BRI3BP: variants seen among roughly 807,000 people sequenced by gnomAD.
The protein encoded by BRI3BP is BRI3-binding protein.
Under a neutral mutation model 15.8 loss-of-function variants are expected in BRI3BP, and 7 were observed. That is an observed-to-expected ratio of 0.44 (90% CI 0.25 to 0.83). The LOEUF is 0.83. Among genes scored for constraint, BRI3BP ranks in the 40% least tolerant of loss-of-function variants. The pLI, the probability that BRI3BP is intolerant of heterozygous loss-of-function variation, is 0.20. For missense variants in BRI3BP, 320 were observed against 339.3 expected, an observed-to-expected ratio of 0.94 and a Z score of 0.45; for synonymous variants, 192 against 163.5, an observed-to-expected ratio of 1.17 and a Z score of -1.33.
At chr12:124,998,875 G>A (rs1955060737) in intron 1 of BRI3BP, among the ~76,000 whole-genome samples, 1 of 152,064 alleles carries the variant, frequency 6.6e-6, no homozygotes, top group Admixed American at 6.6e-5. Flanking sequence ...CCAGGAGTTT[G>A]AGACCAGCCT....
intron 1 of BRI3BP, among the ~76,000 whole-genome samples, chr12:125,012,246 G>T (rs1161362920): frequency 1.3e-5 from 2 of 152,178 alleles, no homozygotes; most frequent in Non-Finnish European, 2.9e-5. Flanking sequence ...AAGACAGCAG[G>T]AGCAATGGCA....
chr12:125,042,729 G>A, the BRI3BP span, among the ~76,000 whole-genome samples: 1 of 151,978 alleles, frequency 6.6e-6, no homozygotes, highest in Non-Finnish European at 1.5e-5. Flanking sequence ...TAGAGATAGG[G>A]TTTCACCGTG....
downstream of BRI3BP, among the ~76,000 whole-genome samples, chr12:125,035,204 T>C (rs1226760281): frequency 1.3e-5 from 2 of 152,116 alleles, no homozygotes; most frequent in African/African-American, 4.8e-5. Context: ...GGTAAATACT[T>C]AGGACCAGAA....
At chr12:125,039,225 C>T in the BRI3BP span, among the ~76,000 whole-genome samples, 1 of 152,222 alleles carries the variant, frequency 6.6e-6, no homozygotes, top group African/African-American at 2.4e-5. Flanking sequence ...ATTCCAAATT[C>T]TGTTTTCTGC....
intron 1 of BRI3BP, among the ~76,000 whole-genome samples, chr12:124,997,748 G>A (rs541954687): frequency 1.3e-5 from 2 of 152,200 alleles, no homozygotes; most frequent in South Asian, 4.1e-4. Context: ...CAGCACTTAG[G>A]GAGGCCAAGG....
At chr12:125,018,952 G>A (rs1483567261) in intron 2 of BRI3BP, among the ~76,000 whole-genome samples, 5 of 151,992 alleles carry the variant, frequency 3.3e-5, no homozygotes, top group Non-Finnish European at 5.9e-5. Flanking sequence ...TCCGCCTCCC[G>A]GGTTCAAGCG....
intron 1 of BRI3BP, among the ~76,000 whole-genome samples, chr12:124,998,794 T>G (rs572482979): frequency 1.1e-4 from 16 of 152,216 alleles, no homozygotes; most frequent in Non-Finnish European, 2.1e-4. Context: ...TTAAAAAAAT[T>G]GGCCTGGTGC....
the BRI3BP span, among the ~76,000 whole-genome samples, chr12:125,045,490 C>T: frequency 6.6e-6 from 1 of 152,122 alleles, no homozygotes; most frequent in Non-Finnish European, 1.5e-5. Context: ...GGCATCATCA[C>T]GCCCGGCTAA....
At chr12:125,019,667 GCTGTGAGTAC>G in intron 2 of BRI3BP, among the ~76,000 whole-genome samples, 1 of 40,160 alleles carries the variant, frequency 2.5e-5, no homozygotes, top group Middle Eastern at 0.016. Flanking sequence ...TGCCTTTTTT[GCTGTGAGTAC>G]TTGAAAATTT....
chr12:125,002,402 G>C (rs1030485256), intron 1 of BRI3BP, among the ~76,000 whole-genome samples: 1 of 151,270 alleles, frequency 6.6e-6, no homozygotes, highest in Non-Finnish European at 1.5e-5. Flanking sequence ...CATCTTGGCA[G>C]ACGTGAAGTA....
chr12:125,000,016 C>CTTTTTTTTTTTTT (rs66571863), intron 1 of BRI3BP, among the ~76,000 whole-genome samples: 1 of 40,710 alleles, frequency 2.5e-5, no homozygotes, highest in Non-Finnish European at 4.3e-5. Context: ...TTTGGTTTTT[C>CTTTTTTTTTTTTT]TTTTTTTTTT....
At chr12:124,994,298 C>T (rs949146040) in intron 1 of BRI3BP, among the ~76,000 whole-genome samples, 6 of 152,042 alleles carry the variant, frequency 3.9e-5, no homozygotes, top group Admixed American at 3.9e-4. Context: ...TGACGCCTGC[C>T]GCGCGTCTCA....
At chr12:124,997,521 G>T (rs1357013001) in intron 1 of BRI3BP, among the ~76,000 whole-genome samples, 1 of 151,894 alleles carries the variant, frequency 6.6e-6, no homozygotes, top group Admixed American at 6.6e-5. Flanking sequence ...CCACCCAGTT[G>T]CTTTACTTAT....
At chr12:125,005,776 A>AGG (rs1955138037) in intron 1 of BRI3BP, among the ~76,000 whole-genome samples, 3 of 147,100 alleles carry the variant, frequency 2.0e-5, no homozygotes, top group Admixed American at 2.0e-4. Context: ...AGACTGTTTA[A>AGG]AAAAAAAAAA....
rs2135983736 is a variant in BRI3BP at position 124,993,712 on chromosome 12, C to T, written c.-79C>T. ...GCGCGCGGCCCCCGAGCGCGCCAAC[C>T]TTGCCCTAGCCGGAGCCCGCTGCGG... On this transcript the variant is annotated 5_prime_UTR_variant, in exon 1 of 3. Coordinates refer to ENST00000341446, the MANE Select transcript of BRI3BP (RefSeq NM_080626.6). 1.2e-6 allele frequency: 1 copy of T among 856,556 alleles called. No individual in the cohort carries two copies. Among genetic ancestry groups the T allele is most frequent in the Non-Finnish European group, 1.4e-6 (1 of 713,916 alleles). The allele number at this position is 856,556 out of a possible 1,614,324, so 53.1% of individuals were successfully genotyped here. A position where few individuals can be genotyped will look rare whatever the true frequency, so the allele number is the denominator to read the frequency against.
In BRI3BP at chr12:125,022,349, G is replaced by A. The variant is rs896742436; in HGVS notation, c.317-2642G>A. Among the ~76,000 whole-genome samples, 15 of 152,154 alleles carry A rather than the reference G, an allele frequency of 9.9e-5. No homozygotes were observed. The East Asian group carries it at 2.9e-3, about 29-fold the overall frequency. ...ACCATCCTGGAAAAATTAGACTTCAGAATTTCAGTGTTTCTAAAATGTCAT... is the reference window on the plus strand; with the variant it reads ...ACCATCCTGGAAAAATTAGACTTCAAAATTTCAGTGTTTCTAAAATGTCAT... On this transcript the variant is annotated intron_variant, in intron 2 of 2. Transcript: ENST00000341446.
chr12:125,048,915 C>T, the BRI3BP span, among the ~76,000 whole-genome samples: 1 of 152,024 alleles, frequency 6.6e-6, no homozygotes, highest in Non-Finnish European at 1.5e-5. Context: ...GCCCCTGCCA[C>T]CGGCCACAAG....
the BRI3BP span, among the ~76,000 whole-genome samples, chr12:125,048,509 A>G: frequency 6.0e-4 from 88 of 146,666 alleles, 2 homozygotes; most frequent in Middle Eastern, 0.01. Flanking sequence ...ATGAGAACAC[A>G]TGGACACAGG....
At chr12:125,033,377 G>A (rs1955420207), downstream of BRI3BP, among the ~76,000 whole-genome samples, 4 of 152,158 alleles carry the variant, frequency 2.6e-5, no homozygotes, top group Admixed American at 2.6e-4. Context: ...GGGCGACGGA[G>A]TGAGACTCTG....
Sources: allele counts gnomAD v4.1 joint callset (sites outside exome capture counted in the v4.1 genomes callset), GRCh38; gene constraint gnomAD v4.1.1; transcripts MANE v1.5; gene names NCBI Gene and HGNC (gene_info 2026-07-23, HGNC 2026-07-21).